Variants in NBPF12 observed in about 807,000 individuals in gnomAD.
NBPF12 encodes the protein NBPF family member NBPF12.
Under a neutral mutation model 146.4 loss-of-function variants are expected in NBPF12, and 115 were observed. The ratio of observed to expected loss-of-function variants is 0.79; its 90% confidence interval spans 0.68 to 0.92. NBPF12 has a LOEUF of 0.92. Ranked by LOEUF, NBPF12 falls within the 40% of genes least tolerant of loss-of-function variation. The pLI is 0.00. For missense variants in NBPF12, 1,205 were observed against 1,326.8 expected (o/e 0.91, Z 1.43); for synonymous variants, 385 against 508.9 (o/e 0.76, Z 3.28).
chr1:146,954,391 A>G (rs1655465918), intron 2 of NBPF12, among the ~76,000 whole-genome samples: 1 of 68,530 alleles, frequency 1.5e-5, no homozygotes, highest in Non-Finnish European at 2.6e-5. Context: ...CTCTGTCTCA[A>G]AAAAAAAAAA....
In NBPF12 at chr1:146,964,347, G is replaced by A. The variant is rs1278235175; in HGVS notation, c.494-10G>A. The A allele has an allele frequency of 8.1e-6, 13 of 1,602,476 alleles. 1 individual carries two copies. The African/African-American group carries it at 1.6e-4, about 20-fold the overall frequency. On this transcript the variant is annotated splice_polypyrimidine_tract_variant and intron_variant, in intron 6 of 33. Transcript: ENST00000617844. ...TGGGACATATCTGAATGAACATTTT[G>A]TATTTATAGAAAATGATGAAGATGA...
chr1:146,963,597 G>T (rs1354916868), intron 6 of NBPF12, among the ~76,000 whole-genome samples: 7 of 151,912 alleles, frequency 4.6e-5, no homozygotes, highest in Non-Finnish European at 8.8e-5. Flanking sequence ...ATGGGAGGGC[G>T]CTTGTTGGAG....
chr1:146,966,540 G>C (rs1656222428), exon 9 of NBPF12: 4 of 1,463,580 alleles, frequency 2.7e-6, no homozygotes, highest in Non-Finnish European at 2.9e-6. Flanking sequence ...AGAAGGCAGA[G>C]ATGAACATTC....
At chr1:146,948,091 A>C (rs1365607151), upstream of NBPF12, among the ~76,000 whole-genome samples, 3 of 151,664 alleles carry the variant, frequency 2.0e-5, no homozygotes, top group Admixed American at 1.3e-4. Flanking sequence ...GCTCACTGCA[A>C]CCTCCACCTC....
exon 34 of NBPF12, chr1:146,994,853 A>G (rs1259349569): frequency 8.6e-6 from 5 of 584,128 alleles, no homozygotes; most frequent in East Asian, 3.7e-5. Flanking sequence ...CTGGGTAGCT[A>G]CAAAATTCCT....
rs1455816846 is a variant in NBPF12, at chr1:146,970,815, C to G, written c.1379+96C>G. 4.4e-6 allele frequency: 5 copies of G among 1,124,878 alleles called. No homozygotes were observed. The South Asian group carries it at 4.9e-5, about 11-fold the overall frequency. 69.7% of individuals were successfully genotyped at this position (1,124,878 alleles called of 1,614,324 possible). On this transcript the variant is annotated intron_variant, in intron 12 of 33. Coordinates refer to ENST00000617844, the Ensembl canonical transcript of NBPF12. ...TGGCATCTATGATGGGCCAAAAGCC[C>G]GCATTCCCTTGGCCACAGTATGTGA...
At chr1:146,963,613 AG>A (rs1656004807) in intron 6 of NBPF12, among the ~76,000 whole-genome samples, 1 of 151,866 alleles carries the variant, frequency 6.6e-6, no homozygotes, top group Non-Finnish European at 1.5e-5. Context: ...TGGAGTGAAA[AG>A]AGCTCTGGGC....
intron 4 of NBPF12, among the ~76,000 whole-genome samples, chr1:146,960,551 A>G (rs1194153275): frequency 6.6e-6 from 1 of 152,026 alleles, no homozygotes; most frequent in African/African-American, 2.4e-5. Context: ...ACTCACAGTT[A>G]CTGATTTCTG....
In NBPF12 at chr1:146,963,318, G is replaced by A. The variant is rs1203044470; in HGVS notation, c.493+9G>A. The A allele has an allele frequency of 2.4e-4, 390 of 1,611,592 alleles. No homozygotes were observed. Among genetic ancestry groups the A allele is most frequent in the Non-Finnish European group, 3.0e-4 (350 of 1,179,848 alleles). Reference sequence around the variant, plus strand: ...CCAAAAGCTCAGCCCAGGTAAGGTGGCCATAGGCCCTGATGACCCAAAACC... The same window carrying A: ...CCAAAAGCTCAGCCCAGGTAAGGTGACCATAGGCCCTGATGACCCAAAACC... On this transcript the variant is annotated intron_variant, in intron 6 of 33. Coordinates refer to ENST00000617844, the Ensembl canonical transcript of NBPF12.
chr1:146,973,792 A>T, intron 14 of NBPF12, among the ~76,000 whole-genome samples: 1 of 143,922 alleles, frequency 6.9e-6, no homozygotes, highest in East Asian at 2.0e-4. Flanking sequence ...TTAAAAAAAA[A>T]TAATAATGAG....
chr1:146,961,462 A>G (rs1342965898), intron 4 of NBPF12, among the ~76,000 whole-genome samples: 2 of 152,006 alleles, frequency 1.3e-5, no homozygotes, highest in African/African-American at 2.4e-5. Context: ...AATCTCCTTG[A>G]ACATTAATTG....
At chr1:146,971,079 G>A (rs1373577534) in intron 12 of NBPF12, 104 bp from the exon 16 acceptor site, 54 of 1,581,950 alleles carry the variant, frequency 3.4e-5, no homozygotes, top group Non-Finnish European at 4.4e-5. Flanking sequence ...TTGCTTTCTG[G>A]GACCACTCTC....
At chr1:146,991,497 C>A (rs1226113204) in intron 30 of NBPF12, among the ~76,000 whole-genome samples, 1 of 152,262 alleles carries the variant, frequency 6.6e-6, no homozygotes, top group Non-Finnish European at 1.5e-5. Context: ...TAGTCTCCAG[C>A]CATGCCTGTG....
At chr1:146,956,550 A>G (rs1223149584) in intron 2 of NBPF12, among the ~76,000 whole-genome samples, 1 of 151,650 alleles carries the variant, frequency 6.6e-6, no homozygotes, top group African/African-American at 2.4e-5. Flanking sequence ...CATACTAGCA[A>G]TTAGCAGCTA....
At chr1:146,975,372 G>A (rs1656921956) in intron 15 of NBPF12, among the ~76,000 whole-genome samples, 1 of 146,950 alleles carries the variant, frequency 6.8e-6, no homozygotes, top group Admixed American at 6.8e-5. Context: ...AATGTCCATG[G>A]CCAGAGTGAG....
chr1:146,994,354 G>A lies in NBPF12; in HGVS notation c.4153G>A (p.Val1385Met), dbSNP rs587729651. The A allele has an allele frequency of 3.1e-5, 50 of 1,604,842 alleles. No individual in the cohort carries two copies. In the South Asian group the frequency reaches 4.2e-4, roughly 13 times the overall value. The stretch of plus-strand genomic sequence containing the variant: ...CAGGCTCAACAGCGTGCTGATGGAA[G>A]TGGAAGAGCCTGAAGTCTTGCAGGA... The change falls in exon 34 of 34, where the codon GTG (valine) becomes ATG (methionine). Residue 1385 changes from valine to methionine, a missense_variant. Val to Met is a conservative substitution (Grantham distance 21). Coordinates refer to ENST00000617844, the Ensembl canonical transcript of NBPF12.
chr1:146,970,958 G>C (rs1166504412), intron 12 of NBPF12, among the ~76,000 whole-genome samples: 2 of 151,240 alleles, frequency 1.3e-5, no homozygotes, highest in East Asian at 1.9e-4. Flanking sequence ...GCTCCTATTT[G>C]TCCAGTGCAC....
rs1199550060 is a variant in NBPF12 at position 146,964,835 on chromosome 1, G to C, written c.567-58G>C. ...CTGTCAAAACCAGCTAGGACTCCCT[G>C]GGGTCCAATCCCTCTGTGTTTAATC... is the stretch of plus-strand genomic sequence containing the variant. On this transcript the variant is annotated intron_variant, in intron 7 of 33. Transcript: ENST00000617844. 100 of 1,593,604 alleles carry C rather than the reference G, an allele frequency of 6.3e-5. No homozygotes were observed. In the Middle Eastern group the frequency reaches 2.0e-3, roughly 33 times the overall value.
intron 13 of NBPF12, among the ~76,000 whole-genome samples, chr1:146,972,499 C>G (rs1222872328): frequency 6.6e-6 from 1 of 151,518 alleles, no homozygotes; most frequent in African/African-American, 2.4e-5. Context: ...ATCTCAGGGC[C>G]AAGCCTTGCT....
Sources: gnomAD v4.1 joint callset for allele counts (sites outside exome capture counted in the v4.1 genomes callset) on GRCh38, gnomAD v4.1.1 for gene constraint, MANE v1.5 for transcripts, NCBI Gene and HGNC (gene_info 2026-07-23, HGNC 2026-07-21) for gene names.